FBLN5: variants seen among roughly 807,000 people sequenced by gnomAD.
FBLN5 encodes fibulin 5.
Under a neutral mutation model 61.6 loss-of-function variants are expected in FBLN5, and 24 were observed. The observed-to-expected ratio is 0.39, with a 90% CI of 0.28 to 0.55. The LOEUF (loss-of-function observed/expected upper bound fraction) is 0.55, where lower values mean the gene tolerates loss of function less well. FBLN5 is among the 20% of genes least tolerant of loss of function. The pLI is 0.65. For missense variants in FBLN5, 470 were observed against 594.1 expected (o/e 0.79, Z 2.17); for synonymous variants, 213 against 219.8 (o/e 0.97, Z 0.27).
rs563690741 is a variant in FBLN5, at chr14:91,876,116, CA to C, written c.1185+1370del. Reference sequence around the variant, plus strand: ...TCCAGAGGTGTTAGGTCACATCACACAATTGTGAAATTGTTAAACTGTAGAA... The same window carrying C: ...TCCAGAGGTGTTAGGTCACATCACACATTGTGAAATTGTTAAACTGTAGAA... On this transcript the variant is annotated intron_variant, in intron 10 of 10. Transcript: ENST00000342058. Among the ~76,000 whole-genome samples, 100 of 152,326 alleles carry C rather than the reference CA, an allele frequency of 6.6e-4. 1 individual carries two copies. The highest frequency in any genetic ancestry group is 2.3e-3 in the African/African-American group (96 of 41,564).
Position 91,914,494 on chromosome 14 carries a change from A to C in FBLN5, c.380-19422T>G, listed in dbSNP as rs1002132724. On this transcript the variant is annotated intron_variant, in intron 4 of 10. Transcript: ENST00000342058. ...CTCTGTCTCAAAAAAAAAAAAAAAA[A>C]AAAAAAACAACAAATATTAGCTGGG... Among the ~76,000 whole-genome samples, 28 of 150,290 alleles carry C rather than the reference A, an allele frequency of 1.9e-4. No homozygotes were observed. The East Asian group carries it at 1.9e-3, about 10-fold the overall frequency.
intron 4 of FBLN5, among the ~76,000 whole-genome samples, chr14:91,933,362 C>T (rs2055959707): frequency 1.3e-5 from 2 of 152,128 alleles, no homozygotes. Context: ...GCAACCTCCA[C>T]CTCCTGGGTT....
At chr14:91,922,155 T>C (rs916514988) in intron 4 of FBLN5, among the ~76,000 whole-genome samples, 9 of 151,960 alleles carry the variant, frequency 5.9e-5, no homozygotes, top group African/African-American at 2.2e-4. Context: ...TAGCTGGGCC[T>C]GGTGGCAGGT....
chr14:91,915,467 C>T (rs542661276), intron 4 of FBLN5, among the ~76,000 whole-genome samples: 83 of 151,912 alleles, frequency 5.5e-4, no homozygotes, highest in African/African-American at 1.9e-3. Flanking sequence ...GGGTGGATCA[C>T]GAGGTCAGGA....
At position 91,937,233 on chromosome 14, in the gene FBLN5, G is replaced by A. The variant is rs540480523; in HGVS notation, c.125-32C>T. On this transcript the variant is annotated intron_variant, in intron 3 of 10. Transcript: ENST00000342058. ...GGCACAGAAAGGGCGAGCATTAGTG[G>A]CACCCCAACTGCCTTGTGTCCGGTG... is the stretch of plus-strand genomic sequence containing the variant. The A allele has an allele frequency of 3.7e-4, 591 of 1,613,750 alleles. 12 individuals carry two copies. In the South Asian group the frequency reaches 6.1e-3, roughly 17 times the overall value.
chr14:91,904,817 G>T (rs1890611538), intron 4 of FBLN5, among the ~76,000 whole-genome samples: 1 of 152,170 alleles, frequency 6.6e-6, no homozygotes, highest in Admixed American at 6.5e-5. Context: ...ATATGGATTT[G>T]GGGGGATACA....
chr14:91,869,583 A>T lies in FBLN5; in HGVS notation c.*641T>A, dbSNP rs187955404. On this transcript the variant is annotated 3_prime_UTR_variant, in exon 11 of 11. Coordinates refer to ENST00000342058, the MANE Select transcript of FBLN5 (RefSeq NM_006329.4). ...ATGTGTCTGAAGGCCTTTCGAAGGA[A>T]TTCTACGACATATTTTTTAAAAATA... 16 of 154,820 alleles carry T rather than the reference A, an allele frequency of 1.0e-4. No homozygotes were observed. The highest frequency in any genetic ancestry group is 1.0e-3 in the Admixed American group (16 of 15,898). The allele number at this position is 154,820 out of a possible 1,614,324, so 9.6% of individuals were successfully genotyped here.
At chr14:91,895,140 G>A in intron 4 of FBLN5, 68 bp from the exon 5 acceptor site, 1 of 1,587,486 alleles carries the variant, frequency 6.3e-7, no homozygotes, top group Non-Finnish European at 8.6e-7. Flanking sequence ...CACCAGGGGT[G>A]CCAGTGGCTC....
intron 7 of FBLN5, among the ~76,000 whole-genome samples, chr14:91,885,725 G>A (rs1165656433): frequency 1.3e-5 from 2 of 152,098 alleles, no homozygotes; most frequent in Admixed American, 1.3e-4. Context: ...GGTCCTCCAG[G>A]GTCACTCTAC....
intron 4 of FBLN5, among the ~76,000 whole-genome samples, chr14:91,908,033 G>A (rs1183403787): frequency 6.6e-6 from 1 of 152,164 alleles, no homozygotes; most frequent in Non-Finnish European, 1.5e-5. Flanking sequence ...CTAAAGGGTT[G>A]CGTCAAGAGT....
chr14:91,889,182 G>T (rs553529648), intron 6 of FBLN5, among the ~76,000 whole-genome samples: 1 of 152,232 alleles, frequency 6.6e-6, no homozygotes, highest in Non-Finnish European at 1.5e-5. Context: ...GGGGACAGGA[G>T]GGGGTAGGAA....
Position 91,871,221 on chromosome 14 carries a change from T to A in FBLN5, c.1186-836A>T, listed in dbSNP as rs1159974852. Reference sequence around the variant, plus strand: ...GAGGGTTTGGACCAGATCAGTAATTTAAAAAAAAAAAAAAAAAGGCATCAA... The same window carrying A: ...GAGGGTTTGGACCAGATCAGTAATTAAAAAAAAAAAAAAAAAAGGCATCAA... On this transcript the variant is annotated intron_variant, in intron 10 of 10. Transcript: ENST00000342058. 3.1e-3 allele frequency among the ~76,000 whole-genome samples: 428 copies of A among 137,908 alleles called. 2 individuals carry two copies. Among genetic ancestry groups the A allele is most frequent in the African/African-American group, 0.01 (375 of 37,168 alleles). The allele number at this position is 137,908 out of a possible 152,430, so 90.5% of individuals were successfully genotyped here. A position where few individuals can be genotyped will look rare whatever the true frequency, so the allele number is the denominator to read the frequency against.
At chr14:91,881,019 A>G (rs1889415783) in intron 9 of FBLN5, among the ~76,000 whole-genome samples, 1 of 152,186 alleles carries the variant, frequency 6.6e-6, no homozygotes, top group South Asian at 2.1e-4. Context: ...ACACAAAACT[A>G]AAAGATAAGT....
At chr14:91,911,343 C>T (rs969959643) in intron 4 of FBLN5, among the ~76,000 whole-genome samples, 11 of 152,264 alleles carry the variant, frequency 7.2e-5, no homozygotes, top group African/African-American at 2.2e-4. Flanking sequence ...TAAAAACCTT[C>T]GTTTCCTCGT....
rs896797257 is a variant in FBLN5, at chr14:91,937,118, G to C, written c.208C>G (p.Pro70Ala). 9.9e-6 allele frequency: 16 copies of C among 1,613,984 alleles called. No homozygotes were observed. The highest frequency in any genetic ancestry group is 1.4e-5 in the Non-Finnish European group (16 of 1,180,040). Residue 70 changes from proline (P) to alanine (A), a missense_variant, in exon 4 of 11, where the codon CCC (proline) becomes GCC (alanine). Coordinates refer to ENST00000342058, the MANE Select transcript of FBLN5 (RefSeq NM_006329.4). ...VNQNGGYLCIPRTNPVYRGPY... is the reference protein window; with the variant it reads ...VNQNGGYLCIARTNPVYRGPY... The stretch of plus-strand genomic sequence containing the variant: ...CCTCGATACACAGGGTTTGTCCGGG[G>C]AATGCATAAATACCCGCCATTTTGG...
intron 1 of FBLN5, among the ~76,000 whole-genome samples, chr14:91,944,335 G>C (rs1300669412): frequency 6.6e-6 from 1 of 152,246 alleles, no homozygotes; most frequent in Non-Finnish European, 1.5e-5. Context: ...TGTGGAGAAA[G>C]TGAAACTCCT....
rs1888827212 is a variant in FBLN5 at position 91,869,672 on chromosome 14, A to G, written c.*552T>C. On this transcript the variant is annotated 3_prime_UTR_variant, in exon 11 of 11. Coordinates refer to ENST00000342058, the MANE Select transcript of FBLN5 (RefSeq NM_006329.4). ...TTTAAGGACAACTGAAACTTCTTTT[A>G]TGGTTGAAAATACCAGGCATGGTTT... 6.2e-6 allele frequency: 1 copy of G among 160,282 alleles called. No homozygotes were observed. The highest frequency in any genetic ancestry group is 2.4e-5 in the African/African-American group (1 of 41,558). 9.9% of individuals were successfully genotyped at this position (160,282 alleles called of 1,614,324 possible). A position where few individuals can be genotyped will look rare whatever the true frequency, so the allele number is the denominator to read the frequency against.
chr14:91,881,120 T>TACAC (rs200128392), intron 9 of FBLN5, among the ~76,000 whole-genome samples, 172 bp downstream of exon 9: 31 of 61,548 alleles, frequency 5.0e-4, no homozygotes, highest in African/African-American at 2.2e-3. Context: ...TGTTCTATTC[T>TACAC]ACACACACAC....
At position 91,937,215 on chromosome 14, in the gene FBLN5, A is replaced by C. The variant is rs749692874; in HGVS notation, c.125-14T>G. 3 of 1,613,978 alleles carry C rather than the reference A, an allele frequency of 1.9e-6. No homozygotes were observed. The African/African-American group carries it at 4.0e-5, about 22-fold the overall frequency. ...ATTCATCAATATCTGAAAGGCACAG[A>C]AAGGGCGAGCATTAGTGGCACCCCA... On this transcript the variant is annotated splice_polypyrimidine_tract_variant and intron_variant, in intron 3 of 10. Transcript: ENST00000342058.
Sources: gnomAD v4.1 joint callset for allele counts (sites outside exome capture counted in the v4.1 genomes callset) on GRCh38, gnomAD v4.1.1 for gene constraint, MANE v1.5 for transcripts, NCBI Gene and HGNC (gene_info 2026-07-23, HGNC 2026-07-21) for gene names.